The following APC variants were observed in gnomAD, a reference collection of about 807,000 sequenced individuals.
APC encodes the protein APC regulator of Wnt signaling pathway.
APC carries 72 observed loss-of-function variants against 247.0 expected under a neutral mutation model. The ratio of observed to expected loss-of-function variants is 0.29; its 90% CI spans 0.24 to 0.35. The LOEUF (loss-of-function observed/expected upper bound fraction) is 0.35, where lower values mean the gene tolerates loss of function less well. Among genes scored for constraint, APC ranks in the 10% least tolerant of loss-of-function variants. APC has a pLI of 1.00. For synonymous variants in APC, 1,254 were observed against 1,162.5 expected (o/e 1.08, Z -1.60); for missense variants, 3,400 against 3,360.7 (o/e 1.01, Z -0.29).
At chr5:112,829,950 A>C (rs189077302) in intron 14 of APC, 9 of 152,324 alleles carry the variant, frequency 5.9e-5, no homozygotes, top group Non-Finnish European at 8.8e-5. Flanking sequence ...AAAAGAAAAA[A>C]AAAAGTAAAC....
rs746850663 is a variant in APC at position 112,801,308 on chromosome 5, C to G, written c.759C>G (p.Gly253=). 9.9e-6 allele frequency: 16 copies of G among 1,612,910 alleles called. No homozygotes were observed. Among genetic ancestry groups the G allele is most frequent in the Admixed American group, 1.7e-5 (1 of 59,940 alleles). ...CATCTCAGAACAAGCATGAAACCGG[C>G]TCACATGATGCTGAGCGGCAGAATG... ...ERSSQNKHET[G]SHDAERQNEG... is the part of the protein sequence containing the mutation. Residue 253 remains glycine, a synonymous_variant, in exon 8 of 16, where the codon GGC becomes GGG. Transcript: ENST00000257430.
In APC at chr5:112,839,500, G is replaced by A. The variant is rs756366532; in HGVS notation, c.3906G>A (p.Leu1302=). The change falls in exon 16 of 16, where the codon CTG becomes CTA. Residue 1302 remains leucine (L), a synonymous_variant. Coordinates refer to ENST00000257430, the MANE Select transcript of APC (RefSeq NM_000038.6). This position sits in a 1 kb window ranked among gnomAD's most constrained non-coding sequence, Gnocchi z 5.0. ...AGGAAGCAGATTCTGCTAATACCCT[G>A]CAAATAGCAGAAATAAAAGAAAAGA... is the stretch of plus-strand genomic sequence containing the variant. ...TTQEADSANT[L]QIAEIKEKIG... 3.5e-5 allele frequency: 57 copies of A among 1,614,076 alleles called. No individual in the cohort carries two copies. Among genetic ancestry groups the A allele is most frequent in the Non-Finnish European group, 4.8e-5 (57 of 1,180,036 alleles).
At chr5:112,787,911 A>G (rs1759146073) in intron 6 of APC, among the ~76,000 whole-genome samples, 1 of 152,108 alleles carries the variant, frequency 6.6e-6, no homozygotes, top group Non-Finnish European at 1.5e-5. Context: ...AATCTAACTT[A>G]TATGTATATT....
intron 13 of APC, 38 bp downstream of exon 13, chr5:112,828,044 T>C (rs756819593): frequency 1.3e-6 from 2 of 1,567,004 alleles, no homozygotes; most frequent in African/African-American, 2.7e-5. Context: ...CTTTTTTCTC[T>C]TTTTCTTTGA....
Position 112,839,609 on chromosome 5 carries a change from G to C in APC, c.4015G>C (p.Gly1339Arg), listed in dbSNP as rs876658310. The C allele has an allele frequency of 3.1e-6, 5 of 1,614,132 alleles. No homozygotes were observed. Among genetic ancestry groups the C allele is most frequent in the Non-Finnish European group, 4.2e-6 (5 of 1,180,026 alleles). The change falls in exon 16 of 16, where the codon GGT becomes CGT. Residue 1339 changes from glycine (G) to arginine (R), a missense_variant. Gly to Arg is a moderately radical substitution (Grantham distance 125). This residue lies in a region of APC where 715 missense variants were observed against 656.6 expected (regional missense o/e 1.09). Transcript: ENST00000257430. The surrounding 1 kb of genome is among the most constrained non-coding windows in gnomAD (Gnocchi z 5.0). ...HPRTKSSRLQGSSLSSESARH... is the reference protein window; with the variant it reads ...HPRTKSSRLQRSSLSSESARH... ...TAGAACCAAATCCAGCAGACTGCAGGGTTCTAGTTTATCTTCAGAATCAGC... is the reference window on the plus strand; with the variant it reads ...TAGAACCAAATCCAGCAGACTGCAGCGTTCTAGTTTATCTTCAGAATCAGC...
intron 11 of APC, among the ~76,000 whole-genome samples, chr5:112,822,294 ACT>A (rs2149793922): frequency 6.6e-6 from 1 of 152,014 alleles, no homozygotes; most frequent in South Asian, 2.1e-4. Flanking sequence ...GCCAAAGTAG[ACT>A]CTATATGTGC....
intron 5 of APC, among the ~76,000 whole-genome samples, chr5:112,776,587 C>G (rs1402886450): frequency 1.3e-5 from 2 of 152,164 alleles, no homozygotes; most frequent in African/African-American, 4.8e-5. Flanking sequence ...CCTGTAACCC[C>G]AGCACTTTGG....
rs587781469 is a variant in APC at position 112,838,010 on chromosome 5, CATG to C, written c.2422_2424del (p.Asp808del). ...TGATTATGTTTTTGACACCAATCGA[CATG>C]ATGATAATAGGTCAGACAATTTTAA... On this transcript the variant is annotated inframe_deletion, in exon 16 of 16. Coordinates refer to ENST00000257430, the MANE Select transcript of APC (RefSeq NM_000038.6). 11 of 1,614,128 alleles carry C rather than the reference CATG, an allele frequency of 6.8e-6. No homozygotes were observed. Among genetic ancestry groups the C allele is most frequent in the Middle Eastern group, 1.6e-4 (1 of 6,062 alleles).
rs1060504879 is a variant in APC at position 112,841,312 on chromosome 5, A to C, written c.5718A>C (p.Ser1906=). The C allele has an allele frequency of 2.5e-6, 4 of 1,613,942 alleles. No homozygotes were observed. Among genetic ancestry groups the C allele is most frequent in the African/African-American group, 1.3e-5 (1 of 74,934 alleles). Residue 1906 remains serine, a synonymous_variant, in exon 16 of 16, where the codon TCA becomes TCC. Coordinates refer to ENST00000257430, the MANE Select transcript of APC (RefSeq NM_000038.6). The surrounding 1 kb of genome is among the most constrained non-coding windows in gnomAD (Gnocchi z 4.6). ...CAGAACTAACCTCCAACCAACAATCAGCTAATAAGACACAAGCTATTGCAA... is the reference window on the plus strand; with the variant it reads ...CAGAACTAACCTCCAACCAACAATCCGCTAATAAGACACAAGCTATTGCAA... ...SHTELTSNQQ[S]ANKTQAIAKQ... is the part of the protein sequence containing the mutation.
In APC at chr5:112,778,038, C is replaced by T. The variant is rs396321; in HGVS notation, c.531+2301C>T. Reference sequence around the variant, plus strand: ...GTTGTCAACATCTGTAAATCCCTTCCGCTTAAGGAAATATCCCACTTTCCT... The same window carrying T: ...GTTGTCAACATCTGTAAATCCCTTCTGCTTAAGGAAATATCCCACTTTCCT... On this transcript the variant is annotated intron_variant, in intron 5 of 15. Coordinates refer to ENST00000257430, the MANE Select transcript of APC (RefSeq NM_000038.6). 88,550 of 201,680 alleles carry T rather than the reference C, an allele frequency of 0.44. 22,308 individuals are homozygous for T. Among genetic ancestry groups the T allele is most frequent in the East Asian group, 0.66 (5,013 of 7,630 alleles). 12.5% of individuals were successfully genotyped at this position (201,680 alleles called of 1,614,324 possible).
At chr5:112,746,197 A>G (rs377051490) in intron 1 of APC, among the ~76,000 whole-genome samples, 127 of 152,270 alleles carry the variant, frequency 8.3e-4, no homozygotes, top group African/African-American at 2.8e-3. Flanking sequence ...TGGAGAAAGC[A>G]TTAAAAGAGT....
rs1001237060 is a variant in APC at position 112,813,773 on chromosome 5, GA to G, written c.835-1713del. ...TCTCTAAAAAAAAAAAAAGAAAAAA[GA>G]AAAAAAAATCACCAAAAGTGAAATT... On this transcript the variant is annotated intron_variant, in intron 8 of 15. Coordinates refer to ENST00000257430, the MANE Select transcript of APC (RefSeq NM_000038.6). Among the ~76,000 whole-genome samples, 13 of 146,012 alleles carry G rather than the reference GA, an allele frequency of 8.9e-5. No homozygotes were observed. In the East Asian group the frequency reaches 1.4e-3, roughly 15 times the overall value.
chr5:112,813,811 G>A (rs926485802), intron 8 of APC, among the ~76,000 whole-genome samples: 19 of 151,280 alleles, frequency 1.3e-4, no homozygotes, highest in Non-Finnish European at 2.5e-4. Context: ...ATGCACAAAA[G>A]GAAGTTATAA....
At chr5:112,768,332 A>T (rs1360881283) in intron 4 of APC, among the ~76,000 whole-genome samples, 4 of 151,208 alleles carry the variant, frequency 2.6e-5, no homozygotes, top group African/African-American at 9.7e-5. Flanking sequence ...GGCATGAGGC[A>T]CTACACTTGG....
At chr5:112,786,742 T>C (rs542468133) in intron 6 of APC, among the ~76,000 whole-genome samples, 16 of 152,346 alleles carry the variant, frequency 1.1e-4, no homozygotes, top group African/African-American at 3.4e-4. Context: ...AACATACTTA[T>C]TCATGTCTTG....
rs1210531698 is a variant in APC, at chr5:112,843,238, A to T, written c.7644A>T (p.Lys2548Asn). ...RLPINRSGTW[K>N]REHSKHSSSL... ...CAATCAATAGGTCAGGAACCTGGAA[A>T]CGTGAGCACAGCAAACATTCATCAT... The change falls in exon 16 of 16, where the codon AAA becomes AAT. Residue 2548 changes from lysine to asparagine, a missense_variant. Lys to Asn is a moderately conservative substitution (Grantham distance 94). Coordinates refer to ENST00000257430, the MANE Select transcript of APC (RefSeq NM_000038.6). This position sits in a 1 kb window ranked among gnomAD's most constrained non-coding sequence, Gnocchi z 4.8. 6.2e-7 allele frequency: 1 copy of T among 1,613,944 alleles called. No individual in the cohort carries two copies. The highest frequency in any genetic ancestry group is 8.5e-7 in the Non-Finnish European group (1 of 1,179,824).
At chr5:112,796,253 A>G (rs1381628827) in intron 7 of APC, among the ~76,000 whole-genome samples, 1 of 152,206 alleles carries the variant, frequency 6.6e-6, no homozygotes, top group Non-Finnish European at 1.5e-5. Flanking sequence ...GAAATGAAGC[A>G]TTCAACTGAA....
chr5:112,809,389 G>C (rs1178902823), intron 8 of APC, among the ~76,000 whole-genome samples: 2 of 151,780 alleles, frequency 1.3e-5, no homozygotes, highest in African/African-American at 4.8e-5. Context: ...ATGTGAGGTA[G>C]GCTATTAGAT....
In APC at chr5:112,728,374, C is replaced by T. The variant is rs142512218; in HGVS notation, c.165+20492C>T. Among the ~76,000 whole-genome samples, 56 of 152,168 alleles carry T rather than the reference C, an allele frequency of 3.7e-4. 1 individual carries two copies. In the East Asian group the frequency reaches 7.9e-3, roughly 22 times the overall value. ...CTTGAACTCCTGACCTCAAATGATC[C>T]GCCCACCTCAGCCTCCCAAAGTGCT... On this transcript the variant is annotated intron_variant, in intron 1 of 13. Coordinates refer to the APC transcript ENST00000507379.
Sources: gnomAD v4.1 joint callset for allele counts (sites outside exome capture counted in the v4.1 genomes callset) on GRCh38, gnomAD v4.1.1 for gene constraint, gnomAD v4.1.1 regional missense constraint, Gnocchi (gnomAD v3.1) non-coding constraint, MANE v1.5 for transcripts, NCBI Gene and HGNC (gene_info 2026-07-23, HGNC 2026-07-21) for gene names.